The following TBC1D4 variants were observed in gnomAD, a reference collection of about 807,000 sequenced individuals.
The protein encoded by TBC1D4 is TBC1 domain family member 4.
Under a neutral mutation model 142.5 loss-of-function variants are expected in TBC1D4, and 121 were observed. The observed-to-expected ratio is 0.85, with a 90% CI of 0.73 to 0.99. TBC1D4 has a LOEUF of 0.99. TBC1D4 is among the 50% of genes least tolerant of loss of function. The pLI is 0.00. For synonymous variants in TBC1D4, 630 were observed against 628.2 expected (o/e 1.00, Z -0.04); for missense variants, 1,475 against 1,606.6 (o/e 0.92, Z 1.40).
chr13:75,326,355 C>T lies in TBC1D4; in HGVS notation c.1875G>A (p.Thr625=), dbSNP rs377713994. 8.7e-6 allele frequency: 14 copies of T among 1,613,954 alleles called. No individual in the cohort carries two copies. The highest frequency in any genetic ancestry group is 6.7e-5 in the Admixed American group (4 of 59,984). The stretch of plus-strand genomic sequence containing the variant: ...GGGAGTCGGAATCCTCTTCGGGAAA[C>T]GTTTGCCAAGCTGAGGACGGTGGGG... The part of the protein sequence containing the change: ...PASPPSSAWQ[T]FPEEDSDSPQ... The change falls in exon 10 of 21, where the codon ACG becomes ACA. Residue 625 remains threonine, a synonymous_variant. Coordinates refer to ENST00000377636, the MANE Select transcript of TBC1D4 (RefSeq NM_014832.5).
At chr13:75,475,344 C>G (rs142994625) in intron 1 of TBC1D4, among the ~76,000 whole-genome samples, 22 of 152,332 alleles carry the variant, frequency 1.4e-4, no homozygotes, top group African/African-American at 5.1e-4. Flanking sequence ...TCTTCACTTT[C>G]CAAGGGGCTA....
At chr13:75,462,669 G>C (rs1358811027) in intron 1 of TBC1D4, among the ~76,000 whole-genome samples, 1 of 151,996 alleles carries the variant, frequency 6.6e-6, no homozygotes, top group Non-Finnish European at 1.5e-5. Context: ...TGGGCAAATT[G>C]GTTTGCTGAC....
At chr13:75,442,364 T>C (rs1318746793) in intron 1 of TBC1D4, among the ~76,000 whole-genome samples, 1 of 152,184 alleles carries the variant, frequency 6.6e-6, no homozygotes. Context: ...TGGGGTTTAT[T>C]ATGATGATTA....
chr13:75,461,132 G>A (rs964863492), intron 1 of TBC1D4, among the ~76,000 whole-genome samples: 2 of 152,124 alleles, frequency 1.3e-5, no homozygotes, highest in Non-Finnish European at 2.9e-5. Flanking sequence ...GAAGCCACTC[G>A]CTTACAAAAG....
intron 1 of TBC1D4, among the ~76,000 whole-genome samples, chr13:75,410,470 G>C (rs1425566541): frequency 6.6e-6 from 1 of 152,146 alleles, no homozygotes; most frequent in Admixed American, 6.5e-5. Flanking sequence ...GAAGACTAGA[G>C]GTCAAACTAT....
intron 1 of TBC1D4, among the ~76,000 whole-genome samples, chr13:75,391,495 T>A (rs907325986): frequency 1.3e-5 from 2 of 152,170 alleles, no homozygotes; most frequent in Non-Finnish European, 2.9e-5. Flanking sequence ...TGGAGTACAT[T>A]TGACAGAAGA....
chr13:75,342,431 G>A (rs1172794683), intron 5 of TBC1D4, among the ~76,000 whole-genome samples: 4 of 152,132 alleles, frequency 2.6e-5, no homozygotes, highest in East Asian at 1.9e-4. Flanking sequence ...GCAAGACTAC[G>A]GCTTTGACAG....
chr13:75,451,331 T>G (rs1382566093), intron 1 of TBC1D4, among the ~76,000 whole-genome samples: 1 of 152,122 alleles, frequency 6.6e-6, no homozygotes, highest in Non-Finnish European at 1.5e-5. Context: ...TTTCTTGTAA[T>G]CAAATGCTGT....
chr13:75,316,840 T>A (rs1265815679), intron 12 of TBC1D4, among the ~76,000 whole-genome samples: 1 of 152,220 alleles, frequency 6.6e-6, no homozygotes, highest in East Asian at 1.9e-4. Context: ...TCACATTAAC[T>A]TTTCCTTTGA....
intron 1 of TBC1D4, among the ~76,000 whole-genome samples, chr13:75,424,878 A>C (rs1185571908): frequency 6.6e-6 from 1 of 152,186 alleles, no homozygotes; most frequent in Non-Finnish European, 1.5e-5. Context: ...CGAATTAAAG[A>C]CTTAGACATA....
At chr13:75,341,418 T>C in intron 6 of TBC1D4, 78 bp downstream of exon 6, 3 of 1,423,646 alleles carry the variant, frequency 2.1e-6, no homozygotes, top group Non-Finnish European at 2.0e-6. Context: ...GGCAGCAGAA[T>C]GAAAACAGGA....
chr13:75,374,118 T>A (rs955349391), intron 1 of TBC1D4, among the ~76,000 whole-genome samples: 3 of 152,170 alleles, frequency 2.0e-5, no homozygotes, highest in African/African-American at 7.2e-5. Context: ...ATCACCATAT[T>A]GCTTGAAAGC....
In TBC1D4 at chr13:75,470,129, T is replaced by A. The variant is rs1467165962; in HGVS notation, c.498+11141A>T. Among the ~76,000 whole-genome samples the A allele has an allele frequency of 7.9e-5, 12 of 152,286 alleles. 1 individual carries two copies. The East Asian group carries it at 2.3e-3, about 29-fold the overall frequency. On this transcript the variant is annotated intron_variant, in intron 1 of 20. Transcript: ENST00000377636. ...AAAATGAGAGTTAAAATACCTATTA[T>A]TTTTTACAAGATTGTCTAGAGCAGG...
intron 1 of TBC1D4, among the ~76,000 whole-genome samples, chr13:75,400,901 C>T (rs1885058459): frequency 6.6e-6 from 1 of 152,100 alleles, no homozygotes; most frequent in South Asian, 2.1e-4. Context: ...CACCCATCAG[C>T]AATGAGCACT....
At chr13:75,425,589 G>T (rs1179202273) in intron 1 of TBC1D4, among the ~76,000 whole-genome samples, 1 of 152,102 alleles carries the variant, frequency 6.6e-6, no homozygotes, top group Non-Finnish European at 1.5e-5. Flanking sequence ...ACAGATGAAT[G>T]AATATAAAAA....
chr13:75,436,644 G>A (rs1190085220), intron 1 of TBC1D4, among the ~76,000 whole-genome samples: 1 of 148,992 alleles, frequency 6.7e-6, no homozygotes, highest in Non-Finnish European at 1.5e-5. Context: ...GTGACAGAGT[G>A]AGACCCTGTC....
intron 5 of TBC1D4, among the ~76,000 whole-genome samples, chr13:75,342,930 A>G (rs1210393802): frequency 1.3e-5 from 2 of 152,146 alleles, no homozygotes; most frequent in African/African-American, 4.8e-5. Context: ...TTCTCAGGTT[A>G]TAACTAAATA....
chr13:75,286,268 A>G lies in TBC1D4; in HGVS notation c.*524T>C, dbSNP rs1874657453. The G allele has an allele frequency of 6.4e-6, 1 of 155,308 alleles. No homozygotes were observed. Among genetic ancestry groups the G allele is most frequent in the South Asian group, 2.0e-4 (1 of 5,078 alleles). The allele number at this position is 155,308 out of a possible 1,614,324, so 9.6% of individuals were successfully genotyped here. On this transcript the variant is annotated 3_prime_UTR_variant, in exon 21 of 21. Coordinates refer to ENST00000377636, the MANE Select transcript of TBC1D4 (RefSeq NM_014832.5). The stretch of plus-strand genomic sequence containing the variant: ...TTCCTCATATAGACAATGTCAGTAG[A>G]TATCAAGACAGATACACATAAAGTT...
chr13:75,326,155 C>T lies in TBC1D4; in HGVS notation c.2033+42G>A, dbSNP rs375015107. 12 of 1,602,460 alleles carry T rather than the reference C, an allele frequency of 7.5e-6. No homozygotes were observed. In the African/African-American group the frequency reaches 9.4e-5, roughly 13 times the overall value. On this transcript the variant is annotated intron_variant, in intron 10 of 20. Coordinates refer to ENST00000377636, the MANE Select transcript of TBC1D4 (RefSeq NM_014832.5). ...ACTCCAGAGTAATCAAAACTGTGTG[C>T]CTTGAGAATCTAGGTCTCATTCTGG...
Sources: gnomAD v4.1 joint callset for allele counts (sites outside exome capture counted in the v4.1 genomes callset) on GRCh38, gnomAD v4.1.1 for gene constraint, MANE v1.5 for transcripts, NCBI Gene and HGNC (gene_info 2026-07-23, HGNC 2026-07-21) for gene names.